The following SCAMP1 variants were observed in gnomAD, a reference collection of about 807,000 sequenced individuals.
SCAMP1 encodes secretory carrier membrane protein 1, also known as secretory carrier-associated membrane protein 1.
In SCAMP1, 15 loss-of-function variants were observed where a neutral mutation model predicts 41.8. That is an observed-to-expected ratio of 0.36 (90% CI 0.24 to 0.55). The LOEUF is 0.55. Among genes scored for constraint, SCAMP1 ranks in the 20% least tolerant of loss-of-function variants. SCAMP1 has a pLI of 0.86. For missense variants in SCAMP1, 341 were observed against 412.6 expected, an observed-to-expected ratio of 0.83 and a Z score of 1.50; for synonymous variants, 135 against 136.8, an observed-to-expected ratio of 0.99 and a Z score of 0.09.
At chr5:78,443,034 G>C (rs1561278634) in intron 6 of SCAMP1, among the ~76,000 whole-genome samples, 1 of 151,942 alleles carries the variant, frequency 6.6e-6, no homozygotes, top group African/African-American at 2.4e-5. Context: ...GTGAATCCCT[G>C]TCTTTACTAA....
chr5:78,412,577 A>G (rs1235307344), intron 2 of SCAMP1, among the ~76,000 whole-genome samples: 1 of 152,044 alleles, frequency 6.6e-6, no homozygotes, highest in Non-Finnish European at 1.5e-5. Flanking sequence ...ATATTGTGTA[A>G]ATTCCAATTT....
At position 78,475,648 on chromosome 5, in the gene SCAMP1, T is replaced by C; in HGVS notation, c.997T>C (p.Phe333Leu). 8 of 1,570,664 alleles carry C rather than the reference T, an allele frequency of 5.1e-6. No individual in the cohort carries two copies. Among genetic ancestry groups the C allele is most frequent in the Non-Finnish European group, 6.9e-6 (8 of 1,160,282 alleles). ...AGCATCTAGTGCAGCTCAGAATGCT[T>C]TCAAGGGTAACCAGATTTAAGAATC... is the stretch of plus-strand genomic sequence containing the variant. Reference protein sequence around the residue: ...TAASSAAQNAFKGNQI With the variant: ...TAASSAAQNALKGNQI The change falls in exon 9 of 9, where the codon TTC (phenylalanine) becomes CTC (leucine). Residue 333 changes from phenylalanine to leucine, a missense_variant. Phe to Leu is a conservative substitution (Grantham distance 22). Coordinates refer to ENST00000621999, the MANE Select transcript of SCAMP1 (RefSeq NM_004866.6).
intron 2 of SCAMP1, among the ~76,000 whole-genome samples, chr5:78,398,926 C>G (rs1751730942): frequency 6.6e-6 from 1 of 152,114 alleles, no homozygotes; most frequent in Non-Finnish European, 1.5e-5. Flanking sequence ...TAACATCATA[C>G]CGAATAGTTT....
At chr5:78,408,585 G>A (rs868040797) in intron 2 of SCAMP1, among the ~76,000 whole-genome samples, 1 of 151,942 alleles carries the variant, frequency 6.6e-6, no homozygotes, top group Admixed American at 6.6e-5. Context: ...AAGTTGGTAG[G>A]TTTTTGGTTT....
At chr5:78,425,908 C>T (rs913229851) in intron 6 of SCAMP1, among the ~76,000 whole-genome samples, 35 of 152,064 alleles carry the variant, frequency 2.3e-4, no homozygotes, top group Admixed American at 1.6e-3. Context: ...TTAAGCCCCG[C>T]GTGCATTAGG....
At chr5:78,389,007 TAAATA>T (rs1164122396) in intron 2 of SCAMP1, 93 bp downstream of exon 2, 5 of 610,032 alleles carry the variant, frequency 8.2e-6, no homozygotes, top group Admixed American at 7.2e-5. Context: ...TGCTTACACT[TAAATA>T]AAACAAATTG....
At chr5:78,440,872 C>T (rs1279740791) in intron 6 of SCAMP1, among the ~76,000 whole-genome samples, 1 of 152,208 alleles carries the variant, frequency 6.6e-6, no homozygotes, top group East Asian at 1.9e-4. Flanking sequence ...TCGAGCTTCC[C>T]AGCAGCTTTC....
At chr5:78,380,999 G>T (rs1751192035) in intron 1 of SCAMP1, among the ~76,000 whole-genome samples, 1 of 152,136 alleles carries the variant, frequency 6.6e-6, no homozygotes, top group African/African-American at 2.4e-5. Flanking sequence ...GGGGGAGGTG[G>T]AGGTTGTGGT....
At chr5:78,387,182 G>A (rs541673988) in intron 1 of SCAMP1, among the ~76,000 whole-genome samples, 1 of 151,886 alleles carries the variant, frequency 6.6e-6, no homozygotes, top group Admixed American at 6.6e-5. Flanking sequence ...TTGTTGGATT[G>A]GGTTAATTCG....
At chr5:78,443,984 TTA>T (rs943838189) in intron 6 of SCAMP1, among the ~76,000 whole-genome samples, 3 of 152,268 alleles carry the variant, frequency 2.0e-5, no homozygotes, top group Admixed American at 6.5e-5. Context: ...ATAGACTCTA[TTA>T]TAAATTTAGA....
At chr5:78,387,167 T>C (rs1311218441) in intron 1 of SCAMP1, among the ~76,000 whole-genome samples, 1 of 152,138 alleles carries the variant, frequency 6.6e-6, no homozygotes, top group Non-Finnish European at 1.5e-5. Flanking sequence ...TTTTTTTCTT[T>C]GTCTTTGTTG....
Position 78,360,716 on chromosome 5 carries a change from C to G in SCAMP1, c.45C>G (p.Asn15Lys). ...DSNPFADPDL[N>K]NPFKDPSVTQ... ...ACCCGTTTGCCGACCCGGATCTCAA[C>G]AATCCCTTCAAGGTGAGCTTCGGCC... Residue 15 changes from asparagine (N) to lysine (K), a missense_variant, in exon 1 of 9, where the codon AAC (asparagine) becomes AAG (lysine). Transcript: ENST00000621999. The G allele has an allele frequency of 6.2e-7, 1 of 1,609,516 alleles. No homozygotes were observed. Among genetic ancestry groups the G allele is most frequent in the South Asian group, 1.1e-5 (1 of 89,986 alleles).
chr5:78,460,820 C>CCTTCCTTCCTTCTTTCTTTCTTTCTTT lies in SCAMP1; in HGVS notation c.852+1461_852+1462insCCTTCCTTCTTTCTTTCTTTCTTTCTT, dbSNP rs1580715544. ...TCCTTCCTTCCTCCCTTCCTTCCTT[C>CCTTCCTTCCTTCTTTCTTTCTTTCTTT]CTTTCTTGTCTTTCCTCTATCTGTC... On this transcript the variant is annotated intron_variant, in intron 8 of 8. Coordinates refer to ENST00000621999, the MANE Select transcript of SCAMP1 (RefSeq NM_004866.6). Among the ~76,000 whole-genome samples the CCTTCCTTCCTTCTTTCTTTCTTTCTTT allele has an allele frequency of 4.2e-4, 12 of 28,240 alleles. 1 individual carries two copies. The highest frequency in any genetic ancestry group is 7.2e-4 in the Non-Finnish European group (6 of 8,294). 18.5% of individuals were successfully genotyped at this position (28,240 alleles called of 152,430 possible).
At chr5:78,447,170 G>A (rs1268887315) in intron 6 of SCAMP1, among the ~76,000 whole-genome samples, 3 of 152,158 alleles carry the variant, frequency 2.0e-5, no homozygotes, top group Admixed American at 6.5e-5. Context: ...CCCACCATAC[G>A]TAGAAAAATT....
chr5:78,444,052 G>A (rs1343442506), intron 6 of SCAMP1, among the ~76,000 whole-genome samples: 1 of 152,016 alleles, frequency 6.6e-6, no homozygotes, highest in Admixed American at 6.5e-5. Context: ...GCACTGTTGT[G>A]GTAAGGGGCA....
chr5:78,462,914 T>C (rs1753652610), intron 8 of SCAMP1, among the ~76,000 whole-genome samples: 1 of 152,246 alleles, frequency 6.6e-6, no homozygotes, highest in African/African-American at 2.4e-5. Flanking sequence ...GACTTTTTGA[T>C]AGGTCTCACT....
chr5:78,449,543 G>A (rs1050931772), intron 6 of SCAMP1, among the ~76,000 whole-genome samples: 4 of 152,176 alleles, frequency 2.6e-5, no homozygotes, highest in Non-Finnish European at 5.9e-5. Context: ...GGGGAATCAA[G>A]TATATAAATA....
At position 78,478,668 on chromosome 5, in the gene SCAMP1, A is replaced by G. The variant is rs1754062008; in HGVS notation, c.*3000A>G. 6.6e-6 allele frequency: 1 copy of G among 152,142 alleles called. No individual in the cohort carries two copies. Among genetic ancestry groups the G allele is most frequent in the Non-Finnish European group, 1.5e-5 (1 of 67,966 alleles). 9.4% of individuals were successfully genotyped at this position (152,142 alleles called of 1,614,324 possible). A position where few individuals can be genotyped will look rare whatever the true frequency, so the allele number is the denominator to read the frequency against. On this transcript the variant is annotated 3_prime_UTR_variant, in exon 9 of 9. Transcript: ENST00000621999. Reference sequence around the variant, plus strand: ...TTTATTCAATTGAACTTGTATTCTGATTTCTATCCTTGCTACCTATTGCTG... The same window carrying G: ...TTTATTCAATTGAACTTGTATTCTGGTTTCTATCCTTGCTACCTATTGCTG...
intron 7 of SCAMP1, among the ~76,000 whole-genome samples, chr5:78,457,515 A>T (rs1335025731): frequency 2.6e-5 from 4 of 151,984 alleles, no homozygotes; most frequent in African/African-American, 7.3e-5. Flanking sequence ...GGGGTCAGGG[A>T]CCCAGTTGAG....
Sources: gnomAD v4.1 joint callset for allele counts (sites outside exome capture counted in the v4.1 genomes callset) on GRCh38, gnomAD v4.1.1 for gene constraint, MANE v1.5 for transcripts, NCBI Gene and HGNC (gene_info 2026-07-23, HGNC 2026-07-21) for gene names.